Variants in GAPVD1 observed in about 807,000 individuals in gnomAD.
GAPVD1 encodes GTPase activating protein and VPS9 domains 1, also known as GTPase-activating protein and VPS9 domain-containing protein 1.
A neutral mutation model predicts 155.5 loss-of-function variants in GAPVD1; 35 were observed. The ratio of observed to expected loss-of-function variants is 0.23; its 90% CI spans 0.17 to 0.30. The LOEUF is 0.30. Among genes scored for constraint, GAPVD1 ranks in the 10% least tolerant of loss-of-function variants. The pLI is 1.00. For missense variants in GAPVD1, 1,429 were observed against 1,775.7 expected (o/e 0.80, Z 3.51); for synonymous variants, 636 against 619.7 (o/e 1.03, Z -0.39).
At chr9:125,335,367 A>T (rs1281906156) in intron 15 of GAPVD1, 1 of 489,800 alleles carries the variant, frequency 2.0e-6, no homozygotes, top group Non-Finnish European at 3.7e-6. Flanking sequence ...GTTACCATTA[A>T]AATTTTTTCT....
rs567718031 is a variant in GAPVD1 at position 125,295,214 on chromosome 9, G to T, written c.-149-244G>T. 8.6e-5 allele frequency among the ~76,000 whole-genome samples: 13 copies of T among 151,996 alleles called. No homozygotes were observed. The South Asian group carries it at 2.5e-3, about 29-fold the overall frequency. Reference sequence around the variant, plus strand: ...TTGTTAGTTTGATGGTCATGTTATTGTTACTTTTCAGGAAACAAACTGATT... The same window carrying T: ...TTGTTAGTTTGATGGTCATGTTATTTTTACTTTTCAGGAAACAAACTGATT... On this transcript the variant is annotated intron_variant, in intron 2 of 27. Coordinates refer to ENST00000297933, the MANE Select transcript of GAPVD1 (RefSeq NM_001282680.3).
intron 2 of GAPVD1, among the ~76,000 whole-genome samples, chr9:125,282,578 A>G (rs1214360091): frequency 1.3e-5 from 2 of 152,182 alleles, no homozygotes; most frequent in African/African-American, 2.4e-5. Context: ...ATTTTGGTCA[A>G]TTTTGTTATG....
At chr9:125,304,390 A>G (rs2130957839) in intron 5 of GAPVD1, among the ~76,000 whole-genome samples, 1 of 152,298 alleles carries the variant, frequency 6.6e-6, no homozygotes, top group East Asian at 1.9e-4. Flanking sequence ...TTCTTATGGT[A>G]GATAATGTAT....
intron 1 of GAPVD1, among the ~76,000 whole-genome samples, chr9:125,262,733 T>C (rs1453524904): frequency 6.6e-6 from 1 of 152,154 alleles, no homozygotes; most frequent in African/African-American, 2.4e-5. Context: ...CTGGAGTTCA[T>C]TGATGGATAG....
At chr9:125,289,396 T>C (rs1172189612) in intron 2 of GAPVD1, among the ~76,000 whole-genome samples, 2 of 152,150 alleles carry the variant, frequency 1.3e-5, no homozygotes, top group Non-Finnish European at 2.9e-5. Flanking sequence ...AGGTGAGATA[T>C]GTGGTGCTTT....
chr9:125,285,680 C>CA (rs1224368328), intron 2 of GAPVD1, among the ~76,000 whole-genome samples: 1 of 151,982 alleles, frequency 6.6e-6, no homozygotes, highest in African/African-American at 2.4e-5. Context: ...AGGCTGGTCT[C>CA]AAACTCCTGA....
rs571032815 is a variant in GAPVD1 at position 125,359,613 on chromosome 9, T to G, written c.4044+121T>G. On this transcript the variant is annotated intron_variant, in intron 26 of 27. Coordinates refer to ENST00000297933, the MANE Select transcript of GAPVD1 (RefSeq NM_001282680.3). ...ATAAAATATAAAACATCATTTTCAC[T>G]CTATGTAATTCAGTCTAACTGCGAA... 115 of 623,810 alleles carry G rather than the reference T, an allele frequency of 1.8e-4. 2 individuals carry two copies. In the South Asian group the frequency reaches 2.2e-3, roughly 12 times the overall value. The allele number at this position is 623,810 out of a possible 1,614,324, so 38.6% of individuals were successfully genotyped here.
intron 20 of GAPVD1, 99 bp downstream of exon 20, chr9:125,347,040 G>C (rs766633666): frequency 8.3e-7 from 1 of 1,202,506 alleles, no homozygotes; most frequent in Non-Finnish European, 1.2e-6. Context: ...ATAGCTAAGG[G>C]AGTCAGTTTA....
At position 125,350,311 on chromosome 9, in the gene GAPVD1, C is replaced by T; in HGVS notation, c.3316C>T (p.Leu1106=). Residue 1106 remains leucine, a synonymous_variant, in exon 22 of 28, where the codon CTG becomes TTG. Coordinates refer to ENST00000297933, the MANE Select transcript of GAPVD1 (RefSeq NM_001282680.3). ...ATTTTTCAGAGATGCAAAAAAGAAACTGAGGCTTGCTCTTTGCTCTGCGGA... is the reference window on the plus strand; with the variant it reads ...ATTTTTCAGAGATGCAAAAAAGAAATTGAGGCTTGCTCTTTGCTCTGCGGA... The part of the protein sequence containing the change: ...AFSYRDAKKK[L]RLALCSADSV... 1 of 1,585,146 alleles carries T rather than the reference C, an allele frequency of 6.3e-7. No individual in the cohort carries two copies. The highest frequency in any genetic ancestry group is 8.5e-7 in the Non-Finnish European group (1 of 1,171,658).
chr9:125,268,198 C>A (rs1218259317), intron 1 of GAPVD1, among the ~76,000 whole-genome samples: 3 of 146,414 alleles, frequency 2.0e-5, no homozygotes, highest in East Asian at 2.1e-4. Context: ...CAAACAACCC[C>A]CCCCCCCAAA....
rs993225181 is a variant in GAPVD1 at position 125,286,538 on chromosome 9, A to G, written c.-149-8920A>G. On this transcript the variant is annotated intron_variant, in intron 2 of 27. Transcript: ENST00000297933. ...TGCTCGTGAATTTCAGGAAAAAATT[A>G]TATTTGTTATTTTAGGTATGCCTAA... is the stretch of plus-strand genomic sequence containing the variant. Among the ~76,000 whole-genome samples, 5 of 152,110 alleles carry G rather than the reference A, an allele frequency of 3.3e-5. No homozygotes were observed. In the South Asian group the frequency reaches 1.0e-3, roughly 31 times the overall value.
intron 19 of GAPVD1, chr9:125,346,441 A>G (rs1340907852): frequency 3.8e-6 from 1 of 264,106 alleles, no homozygotes; most frequent in Admixed American, 5.1e-5. Flanking sequence ...CAGCATAGAG[A>G]TGTCTGAATA....
At chr9:125,319,878 AGCCGCCACCGCTCC>A in intron 9 of GAPVD1, among the ~76,000 whole-genome samples, 1 of 152,260 alleles carries the variant, frequency 6.6e-6, no homozygotes, top group Non-Finnish European at 1.5e-5. Context: ...TACAGGCATG[AGCCGCCACCGCTCC>A]CAGCCAAAAA....
chr9:125,303,776 C>CAA (rs11458416), intron 5 of GAPVD1: 3,228 of 122,798 alleles, frequency 0.026, 132 homozygotes, highest in African/African-American at 0.082. Flanking sequence ...AACTCCGTCT[C>CAA]AAAAAAAAAA....
intron 2 of GAPVD1, among the ~76,000 whole-genome samples, chr9:125,274,832 A>G (rs12003445): frequency 0.055 from 8,301 of 152,124 alleles, 685 homozygotes; most frequent in African/African-American, 0.18. Context: ...GTTCTGGTGT[A>G]TGTGTTTGCA....
intron 9 of GAPVD1, among the ~76,000 whole-genome samples, chr9:125,314,829 C>A (rs1459796237): frequency 6.7e-6 from 1 of 149,528 alleles, no homozygotes; most frequent in Non-Finnish European, 1.5e-5. Flanking sequence ...ACTCTGTCAC[C>A]CAGGCTGGAG....
In GAPVD1 at chr9:125,302,536, G is replaced by A. The variant is rs1191865890; in HGVS notation, c.739G>A (p.Val247Ile). 6.2e-7 allele frequency: 1 copy of A among 1,614,034 alleles called. No individual in the cohort carries two copies. The highest frequency in any genetic ancestry group is 2.2e-5 in the East Asian group (1 of 44,882). ...GGGCTCAGATAGATTCAGGCAAAAAGTTCAAGAAATGGTGGAGTCCAATGA... is the reference window on the plus strand; with the variant it reads ...GGGCTCAGATAGATTCAGGCAAAAAATTCAAGAAATGGTGGAGTCCAATGA... ...EKGSDRFRQK[V>I]QEMVESNEAK... The change falls in exon 5 of 28, where the codon GTT becomes ATT. Residue 247 changes from valine to isoleucine, a missense_variant. Val to Ile is a conservative substitution (Grantham distance 29). Coordinates refer to ENST00000297933, the MANE Select transcript of GAPVD1 (RefSeq NM_001282680.3).
chr9:125,287,527 A>C (rs1837900363), intron 2 of GAPVD1, among the ~76,000 whole-genome samples: 1 of 152,186 alleles, frequency 6.6e-6, no homozygotes, highest in African/African-American at 2.4e-5. Flanking sequence ...AAATAAAAGA[A>C]AAATGGGAAG....
intron 13 of GAPVD1, among the ~76,000 whole-genome samples, chr9:125,330,834 A>G (rs1020711194): frequency 6.6e-6 from 1 of 152,124 alleles, no homozygotes; most frequent in Non-Finnish European, 1.5e-5. Context: ...TCTTCCACAA[A>G]CTCATGACAG....
Sources: allele counts gnomAD v4.1 joint callset (sites outside exome capture counted in the v4.1 genomes callset), GRCh38; gene constraint gnomAD v4.1.1; transcripts MANE v1.5; gene names NCBI Gene and HGNC (gene_info 2026-07-23, HGNC 2026-07-21).